The following DLEC1 variants were observed in gnomAD, a reference collection of about 807,000 sequenced individuals.
DLEC1 encodes deleted in lung and esophageal cancer protein 1.
In DLEC1, 146 loss-of-function variants were observed where a neutral mutation model predicts 198.1. The ratio of observed to expected loss-of-function variants is 0.74; its 90% CI spans 0.64 to 0.85. DLEC1 has a LOEUF of 0.85. Ranked by LOEUF, DLEC1 falls within the 40% of genes least tolerant of loss-of-function variation. The probability of loss-of-function intolerance (pLI) is 0.00; values close to 1 mark genes in which losing one functional copy is unlikely to be tolerated. For synonymous variants in DLEC1, 897 were observed against 866.8 expected (o/e 1.03, Z -0.61); for missense variants, 2,233 against 2,220.0 (o/e 1.01, Z -0.12).
intron 1 of DLEC1, among the ~76,000 whole-genome samples, chr3:38,040,409 ACT>A (rs1459096953): frequency 1.3e-5 from 2 of 152,198 alleles, no homozygotes; most frequent in East Asian, 1.9e-4. Flanking sequence ...GCACACCCAC[ACT>A]CACACACGCA....
Position 38,062,318 on chromosome 3 carries a change from A to G in DLEC1, c.823A>G (p.Thr275Ala). 6.2e-7 allele frequency: 1 copy of G among 1,614,242 alleles called. No individual in the cohort carries two copies. The highest frequency in any genetic ancestry group is 2.2e-5 in the East Asian group (1 of 44,888). ...GTTAGACCACACTGTGGACAGCCTG[A>G]CATGGAATTTAACTCCTAAGGCCAA... is the stretch of plus-strand genomic sequence containing the variant. The part of the protein sequence containing the change: ...DELDHTVDSL[T>A]WNLTPKAKER... Residue 275 changes from threonine (T) to alanine (A), a missense_variant, in exon 4 of 37, where the codon ACA (threonine) becomes GCA (alanine). Thr to Ala is a moderately conservative substitution (Grantham distance 58). Coordinates refer to ENST00000308059, the MANE Select transcript of DLEC1 (RefSeq NM_007335.4).
chr3:38,123,198 C>T lies in DLEC1; in HGVS notation c.*786C>T, dbSNP rs1476312194. The T allele has an allele frequency of 9.9e-6, 14 of 1,418,904 alleles. No homozygotes were observed. The African/African-American group carries it at 1.1e-4, about 11-fold the overall frequency. 87.9% of individuals were successfully genotyped at this position (1,418,904 alleles called of 1,614,324 possible). ...TCCAGACCAGGCTGACCCAGAAGGA[C>T]GTCATGGACAAGTAGGATGCAAAAC... On this transcript the variant is annotated 3_prime_UTR_variant, in exon 37 of 37. Coordinates refer to ENST00000308059, the MANE Select transcript of DLEC1 (RefSeq NM_007335.4).
At chr3:38,076,882 G>C (rs1697654861) in intron 6 of DLEC1, among the ~76,000 whole-genome samples, 1 of 152,216 alleles carries the variant, frequency 6.6e-6, no homozygotes, top group South Asian at 2.1e-4. Context: ...GGCAGCGTGG[G>C]AACCTAGAGT....
At chr3:38,057,918 G>T (rs1398489381) in intron 2 of DLEC1, among the ~76,000 whole-genome samples, 2 of 150,546 alleles carry the variant, frequency 1.3e-5, no homozygotes, top group Non-Finnish European at 2.9e-5. Context: ...CTGGGTTCAC[G>T]CCATTCTCCT....
chr3:38,040,044 A>C (rs988856029), intron 1 of DLEC1, among the ~76,000 whole-genome samples: 1 of 152,146 alleles, frequency 6.6e-6, no homozygotes, highest in Non-Finnish European at 1.5e-5. Flanking sequence ...GATTTTAGGA[A>C]GCGTGTCTAG....
intron 1 of DLEC1, among the ~76,000 whole-genome samples, chr3:38,041,348 G>T (rs1700644772): frequency 6.6e-6 from 1 of 151,986 alleles, no homozygotes; most frequent in Non-Finnish European, 1.5e-5. Flanking sequence ...CCACTATGTT[G>T]CCCAGGCTGG....
chr3:38,094,509 T>C (rs1575189136), intron 12 of DLEC1, among the ~76,000 whole-genome samples: 1 of 152,220 alleles, frequency 6.6e-6, no homozygotes, highest in South Asian at 2.1e-4. Context: ...TGGAAACTCA[T>C]GTGGTGAGAG....
At chr3:38,051,071 T>G (rs559061874) in intron 2 of DLEC1, among the ~76,000 whole-genome samples, 149 of 152,104 alleles carry the variant, frequency 9.8e-4, no homozygotes, top group African/African-American at 3.2e-3. Flanking sequence ...CCACTAATTT[T>G]TGTATTTTTT....
intron 2 of DLEC1, among the ~76,000 whole-genome samples, chr3:38,055,119 G>T (rs894723838): frequency 6.6e-6 from 1 of 152,170 alleles, no homozygotes; most frequent in African/African-American, 2.4e-5. Context: ...AGGAAAATCA[G>T]AAGAAATGCA....
Position 38,094,896 on chromosome 3 carries a change from T to C in DLEC1, c.1937T>C (p.Phe646Ser). The C allele has an allele frequency of 6.2e-7, 1 of 1,614,124 alleles. No individual in the cohort carries two copies. Among genetic ancestry groups the C allele is most frequent in the Non-Finnish European group, 8.5e-7 (1 of 1,180,014 alleles). ...CCCCACAGGCACGTGGAGCTGGCCT[T>C]CTACTGGCAGATCATGAAGCCCAAC... is the stretch of plus-strand genomic sequence containing the variant. ...IRNATHVELA[F>S]YWQIMKPNLQ... Residue 646 changes from phenylalanine (F) to serine (S), a missense_variant, in exon 13 of 37, where the codon TTC becomes TCC. Phe to Ser is a radical substitution (Grantham distance 155). Coordinates refer to ENST00000308059, the MANE Select transcript of DLEC1 (RefSeq NM_007335.4).
intron 10 of DLEC1, among the ~76,000 whole-genome samples, chr3:38,088,969 A>G (rs1004469025): frequency 7.9e-5 from 12 of 152,034 alleles, no homozygotes; most frequent in African/African-American, 2.9e-4. Flanking sequence ...CCCATGAGAA[A>G]TGGTGATACT....
At chr3:38,075,671 G>A (rs1697571158) in intron 6 of DLEC1, among the ~76,000 whole-genome samples, 1 of 152,058 alleles carries the variant, frequency 6.6e-6, no homozygotes, top group Non-Finnish European at 1.5e-5. Context: ...GGAAATAAGG[G>A]ATCGGGGTGC....
chr3:38,095,075 C>A lies in DLEC1; in HGVS notation c.2112+4C>A. ...CCTGAGCTTTTCTCCTCATGAGGTTCAGATGGTGTCATCTCAGTAGCCACA... is the reference window on the plus strand; with the variant it reads ...CCTGAGCTTTTCTCCTCATGAGGTTAAGATGGTGTCATCTCAGTAGCCACA... On this transcript the variant is annotated splice_donor_region_variant and intron_variant, in intron 13 of 36. Transcript: ENST00000308059. The A allele has an allele frequency of 6.2e-7, 1 of 1,613,938 alleles. No homozygotes were observed. The highest frequency in any genetic ancestry group is 1.1e-5 in the South Asian group (1 of 91,052).
At chr3:38,068,052 C>G (rs1486705366) in intron 6 of DLEC1, among the ~76,000 whole-genome samples, 2 of 151,194 alleles carry the variant, frequency 1.3e-5, no homozygotes, top group Non-Finnish European at 3.0e-5. Flanking sequence ...TTGTACCTGG[C>G]CAAGTATCTG....
chr3:38,063,578 G>A (rs1265534082), intron 5 of DLEC1, among the ~76,000 whole-genome samples: 2 of 152,178 alleles, frequency 1.3e-5, no homozygotes, highest in Non-Finnish European at 1.5e-5. Context: ...ACTTATTGGT[G>A]TTTAAACATG....
chr3:38,079,637 G>A (rs1458113707), intron 6 of DLEC1, among the ~76,000 whole-genome samples: 1 of 152,224 alleles, frequency 6.6e-6, no homozygotes, highest in Non-Finnish European at 1.5e-5. Flanking sequence ...GAGTTGGACA[G>A]TCCGATTTCC....
intron 23 of DLEC1, among the ~76,000 whole-genome samples, chr3:38,110,840 A>C (rs1699833773): frequency 6.6e-6 from 1 of 152,132 alleles, no homozygotes; most frequent in Non-Finnish European, 1.5e-5. Flanking sequence ...ACATGCATAC[A>C]CACATACACA....
intron 8 of DLEC1, among the ~76,000 whole-genome samples, chr3:38,085,762 C>T (rs571478311): frequency 1.3e-5 from 2 of 152,224 alleles, no homozygotes; most frequent in East Asian, 3.9e-4. Context: ...CCACAGTGGG[C>T]AAGGAAGAAG....
intron 8 of DLEC1, among the ~76,000 whole-genome samples, chr3:38,085,917 A>G (rs1392398282): frequency 6.6e-6 from 1 of 152,154 alleles, no homozygotes; most frequent in Non-Finnish European, 1.5e-5. Flanking sequence ...TGGGACCGTG[A>G]TCCCCCTTAC....
Sources: gnomAD v4.1 joint callset for allele counts (sites outside exome capture counted in the v4.1 genomes callset) on GRCh38, gnomAD v4.1.1 for gene constraint, MANE v1.5 for transcripts, NCBI Gene and HGNC (gene_info 2026-07-23, HGNC 2026-07-21) for gene names.